NOX3: variants seen among roughly 807,000 people sequenced by gnomAD.
NOX3 encodes the protein NADPH oxidase catalytic subunit-like 3.
A neutral mutation model predicts 76.7 loss-of-function variants in NOX3; 74 were observed. The observed-to-expected ratio is 0.96, with a 90% CI of 0.80 to 1.17. NOX3 has a LOEUF of 1.17. Ranked by LOEUF, NOX3 falls within the 50% of genes most tolerant of loss-of-function variation. NOX3 has a pLI of 0.00. For synonymous variants in NOX3, 263 were observed against 261.1 expected (o/e 1.01, Z -0.07); for missense variants, 695 against 703.3 (o/e 0.99, Z 0.13).
At chr6:155,425,800 C>T (rs772836938) in intron 9 of NOX3, among the ~76,000 whole-genome samples, 1 of 152,212 alleles carries the variant, frequency 6.6e-6, no homozygotes, top group African/African-American at 2.4e-5. Flanking sequence ...GGCCCCAGCT[C>T]TGGGCAAAGG....
chr6:155,425,318 A>G (rs972826896), intron 9 of NOX3, among the ~76,000 whole-genome samples: 2 of 152,118 alleles, frequency 1.3e-5, no homozygotes, highest in African/African-American at 4.8e-5. Flanking sequence ...AATCAGCTTC[A>G]TTTGCACAAA....
At chr6:155,427,028 T>TGTGTGTGCGCGC (rs796489805) in intron 9 of NOX3, among the ~76,000 whole-genome samples, 6 of 121,792 alleles carry the variant, frequency 4.9e-5, no homozygotes, top group Admixed American at 1.7e-4. Context: ...TGTGTGTGTG[T>TGTGTGTGCGCGC]GCTGGGGGGG....
chr6:155,416,214 C>T (rs1776619801), intron 10 of NOX3, among the ~76,000 whole-genome samples: 1 of 152,176 alleles, frequency 6.6e-6, no homozygotes, highest in African/African-American at 2.4e-5. Context: ...CCACACTGTG[C>T]AAAAGAAAGA....
chr6:155,399,649 C>G (rs112025870), intron 12 of NOX3, among the ~76,000 whole-genome samples: 96 of 152,216 alleles, frequency 6.3e-4, no homozygotes, highest in African/African-American at 2.1e-3. Flanking sequence ...GTATGGAGAA[C>G]TTCTTGTCAC....
At chr6:155,440,826 T>C (rs943959627) in intron 5 of NOX3, among the ~76,000 whole-genome samples, 28 of 151,946 alleles carry the variant, frequency 1.8e-4, no homozygotes, top group Middle Eastern at 3.4e-3. Context: ...CCATGCTTAA[T>C]TGCATTTTAA....
intron 4 of NOX3, among the ~76,000 whole-genome samples, chr6:155,445,945 A>AATATATATATGCTATATATAT: frequency 7.2e-6 from 1 of 139,536 alleles, no homozygotes; most frequent in African/African-American, 2.7e-5. Flanking sequence ...ATAGATATAT[A>AATATATATATGCTATATATAT]ATATATATAT....
chr6:155,412,253 C>T (rs867053157), intron 10 of NOX3, among the ~76,000 whole-genome samples: 2 of 152,136 alleles, frequency 1.3e-5, no homozygotes, highest in South Asian at 4.1e-4. Context: ...AAATCCCCAC[C>T]TGGAAATACC....
chr6:155,421,424 C>T (rs1224866852), intron 10 of NOX3, among the ~76,000 whole-genome samples: 2 of 151,972 alleles, frequency 1.3e-5, no homozygotes, highest in South Asian at 2.1e-4. Flanking sequence ...GGCAGAGACC[C>T]GAGTTTAGAG....
intron 4 of NOX3, 81 bp from the exon 5 acceptor site, chr6:155,443,499 C>T (rs752310894): frequency 5.0e-5 from 74 of 1,473,316 alleles, no homozygotes; most frequent in Middle Eastern, 2.3e-4. Context: ...TGTCTCTGTG[C>T]TCAAGTTTCT....
intron 12 of NOX3, among the ~76,000 whole-genome samples, chr6:155,398,502 T>C (rs1215034443): frequency 1.3e-5 from 2 of 152,212 alleles, no homozygotes; most frequent in East Asian, 1.9e-4. Context: ...ACAGTAGAAA[T>C]TGATGGTTCC....
chr6:155,442,730 G>A (rs1018376868), intron 5 of NOX3, among the ~76,000 whole-genome samples: 1 of 152,182 alleles, frequency 6.6e-6, no homozygotes, highest in Non-Finnish European at 1.5e-5. Context: ...CAGGTAATTA[G>A]CATTAATGAT....
intron 9 of NOX3, among the ~76,000 whole-genome samples, chr6:155,423,714 C>G (rs1776720842): frequency 6.6e-6 from 1 of 151,624 alleles, no homozygotes. Context: ...ATAATCTTCT[C>G]CAGTTTCTGT....
In NOX3 at chr6:155,428,985, C is replaced by G. The variant is rs761321329; in HGVS notation, c.954G>C (p.Ala318=). 1 of 1,612,616 alleles carries G rather than the reference C, an allele frequency of 6.2e-7. No homozygotes were observed. Among genetic ancestry groups the G allele is most frequent in the Non-Finnish European group, 8.5e-7 (1 of 1,179,084 alleles). The change falls in exon 9 of 14, where the codon GCG becomes GCC. Residue 318 remains alanine (A), a synonymous_variant. Coordinates refer to ENST00000159060, the MANE Select transcript of NOX3 (RefSeq NM_015718.3). ...ACTGCACCAAGATGTACTGCCCTGG[C>G]GCCATTTTAAAGCCACGCTTTTTCA... ...LHMKKRGFKM[A]PGQYILVQCP...
intron 4 of NOX3, among the ~76,000 whole-genome samples, chr6:155,445,714 T>G (rs903538624): frequency 2.0e-5 from 3 of 151,820 alleles, no homozygotes; most frequent in African/African-American, 7.3e-5. Context: ...GGATGGACTT[T>G]ATTCATCCTT....
intron 9 of NOX3, among the ~76,000 whole-genome samples, chr6:155,426,093 T>C (rs1288494578): frequency 1.3e-5 from 2 of 152,188 alleles, no homozygotes; most frequent in Admixed American, 1.3e-4. Context: ...TCCAAGGAAG[T>C]CCAATAACAT....
chr6:155,423,069 C>T lies in NOX3; in HGVS notation c.1146-213G>A, dbSNP rs551866735. ...GGGAGACAACGAGGTTGTCCTGGCC[C>T]AGGCACTGTTCATGGAAGGACAAAG... On this transcript the variant is annotated intron_variant, in intron 9 of 13. Transcript: ENST00000159060. Among the ~76,000 whole-genome samples the T allele has an allele frequency of 3.5e-4, 53 of 152,302 alleles. 1 individual carries two copies. The South Asian group carries it at 0.011, about 30-fold the overall frequency.
At chr6:155,432,277 T>C (rs568323470) in intron 7 of NOX3, among the ~76,000 whole-genome samples, 1 of 152,188 alleles carries the variant, frequency 6.6e-6, no homozygotes, top group East Asian at 1.9e-4. Flanking sequence ...TGGGAATGGG[T>C]CTGAGTTGCC....
chr6:155,422,736 C>T lies in NOX3; in HGVS notation c.1266G>A (p.Trp422Ter). 2 of 1,614,170 alleles carry T rather than the reference C, an allele frequency of 1.2e-6. No individual in the cohort carries two copies. Among genetic ancestry groups the T allele is most frequent in the Non-Finnish European group, 1.7e-6 (2 of 1,180,026 alleles). Residue 422 changes from tryptophan to a stop codon, truncating the protein, a stop_gained, in exon 10 of 14, where the codon TGG becomes TGA. Coordinates refer to ENST00000159060, the MANE Select transcript of NOX3 (RefSeq NM_015718.3). LOFTEE classifies it high-confidence loss of function. ...GGGTCTGTGCCTCACTGCATTTGTACCATATAGATTTCAGAAGAGCAGCGA... is the reference window on the plus strand; with the variant it reads ...GGGTCTGTGCCTCACTGCATTTGTATCATATAGATTTCAGAAGAGCAGCGA... ...TPFAALLKSI[W>*]YKCSEAQTPL...
rs766434213 is a variant in NOX3 at position 155,396,963 on chromosome 6, C to T, written c.1581-1G>A. On this transcript the variant is annotated splice_acceptor_variant, in intron 12 of 13. Transcript: ENST00000159060. LOFTEE classifies it high-confidence loss of function. ...ACAGAAGAACACGCCAATACTGCTG[C>T]TGCAGTAGGGGTAAGAAAAGGAAAT... 3 of 1,605,158 alleles carry T rather than the reference C, an allele frequency of 1.9e-6. No individual in the cohort carries two copies. In the South Asian group the frequency reaches 3.4e-5, roughly 18 times the overall value.
Sources: allele counts gnomAD v4.1 joint callset (sites outside exome capture counted in the v4.1 genomes callset), GRCh38; gene constraint gnomAD v4.1.1; transcripts MANE v1.5; gene names NCBI Gene and HGNC (gene_info 2026-07-23, HGNC 2026-07-21).